The following ZFP82 variants were observed in gnomAD, a reference collection of about 807,000 sequenced individuals.
The protein encoded by ZFP82 is zinc finger protein 82 homolog.
ZFP82 carries 30 observed loss-of-function variants against 54.0 expected under a neutral mutation model. The observed-to-expected ratio is 0.56, with a 90% CI of 0.42 to 0.75. The LOEUF is 0.75. ZFP82 is among the 30% of genes least tolerant of loss of function. The pLI, the probability that ZFP82 is intolerant of heterozygous loss-of-function variation, is 0.00. For synonymous variants in ZFP82, 194 were observed against 209.5 expected (o/e 0.93, Z 0.64); for missense variants, 500 against 636.8 (o/e 0.79, Z 2.31).
At chr19:36,394,255 C>A in intron 4 of ZFP82, 145 bp from the exon 5 acceptor site, 2 of 744,758 alleles carry the variant, frequency 2.7e-6, no homozygotes, top group South Asian at 2.0e-5. Context: ...AAAAAAAAAG[C>A]CAAAGGGAAC....
At chr19:36,412,458 T>G (rs937061470) in intron 1 of ZFP82, among the ~76,000 whole-genome samples, 3 of 152,258 alleles carry the variant, frequency 2.0e-5, no homozygotes, top group African/African-American at 7.2e-5. Flanking sequence ...ATGTTTTTAC[T>G]GGTTTTGTTG....
At chr19:36,412,172 A>G (rs530110491) in intron 1 of ZFP82, among the ~76,000 whole-genome samples, 3 of 152,258 alleles carry the variant, frequency 2.0e-5, no homozygotes, top group African/African-American at 7.2e-5. Context: ...AAGATATATA[A>G]TCTCTTAGAA....
chr19:36,393,877 T>C lies in ZFP82; in HGVS notation c.463A>G (p.Thr155Ala), dbSNP rs2032250801. The change falls in exon 5 of 5, where the codon ACA becomes GCA. Residue 155 changes from threonine to alanine, a missense_variant. Physicochemically the swap from Thr to Ala is moderately conservative, Grantham distance 58 (BLOSUM62 0). Transcript: ENST00000392161. The stretch of plus-strand genomic sequence containing the variant: ...AGTCTCTGATGTGGAGTAACAGATG[T>C]GCGTTTCTGGTAAGAGGACACCTTT... ...SEKVSSYQKR[T>A]SVTPHQRLHF... The C allele has an allele frequency of 2.5e-6, 4 of 1,614,214 alleles. No homozygotes were observed. The highest frequency in any genetic ancestry group is 3.4e-6 in the Non-Finnish European group (4 of 1,180,042).
At chr19:36,413,059 T>G (rs1191396035) in intron 1 of ZFP82, among the ~76,000 whole-genome samples, 1 of 152,174 alleles carries the variant, frequency 6.6e-6, no homozygotes, top group Non-Finnish European at 1.5e-5. Flanking sequence ...TTTTAGGAAT[T>G]TATCGTTAGG....
chr19:36,397,045 C>T (rs2032306834), intron 4 of ZFP82, among the ~76,000 whole-genome samples: 1 of 149,590 alleles, frequency 6.7e-6, no homozygotes, highest in African/African-American at 2.5e-5. Flanking sequence ...GATATAAAAG[C>T]AGAATTAGTT....
At chr19:36,411,606 G>T (rs1349651449) in intron 1 of ZFP82, among the ~76,000 whole-genome samples, 2 of 152,130 alleles carry the variant, frequency 1.3e-5, no homozygotes, top group African/African-American at 4.8e-5. Context: ...TGTTGACCTT[G>T]TTCATAATGG....
chr19:36,400,165 A>G (rs1568486130), intron 4 of ZFP82, among the ~76,000 whole-genome samples: 1 of 152,244 alleles, frequency 6.6e-6, no homozygotes, highest in Non-Finnish European at 1.5e-5. Flanking sequence ...AGAATGTAGA[A>G]AAGTCCTTTT....
Position 36,392,506 on chromosome 19 carries a change from CAA to C in ZFP82, c.*233_*234del. 2.2e-6 allele frequency: 1 copy of C among 445,436 alleles called. No individual in the cohort carries two copies. The highest frequency in any genetic ancestry group is 3.9e-6 in the Non-Finnish European group (1 of 254,810). The allele number at this position is 445,436 out of a possible 1,614,324, so 27.6% of individuals were successfully genotyped here. ...GTTAAGCGTCTTGTCCAGTATGACACAAAGTGATGGGATAGGGATGACGGTAA... is the reference window on the plus strand; with the variant it reads ...GTTAAGCGTCTTGTCCAGTATGACACAGTGATGGGATAGGGATGACGGTAA... On this transcript the variant is annotated 3_prime_UTR_variant, in exon 5 of 5. Transcript: ENST00000392161.
chr19:36,397,178 T>C (rs1016808025), intron 4 of ZFP82, among the ~76,000 whole-genome samples: 1 of 151,050 alleles, frequency 6.6e-6, no homozygotes, highest in Non-Finnish European at 1.5e-5. Flanking sequence ...CTGCAACCTC[T>C]GCCTCCCGGG....
chr19:36,400,597 C>T (rs2032366911), intron 4 of ZFP82, among the ~76,000 whole-genome samples: 1 of 152,178 alleles, frequency 6.6e-6, no homozygotes, highest in Non-Finnish European at 1.5e-5. Flanking sequence ...AGCAACCTAC[C>T]TGCACACATA....
Position 36,407,990 on chromosome 19 carries a change from T to C in ZFP82, c.33A>G (p.Val11=), listed in dbSNP as rs765005740. The C allele has an allele frequency of 9.9e-6, 16 of 1,613,992 alleles. No individual in the cohort carries two copies. The highest frequency in any genetic ancestry group is 5.3e-5 in the African/African-American group (4 of 74,932). ...ACTCTTCTGGAGAGAAGTCTATGGA[T>C]ACATCACTGAACATCACTGATCGCT... MALRSVMFSD[V]SIDFSPEEWE... The change falls in exon 3 of 5, where the codon GTA becomes GTG. Residue 11 remains valine (V), a synonymous_variant. Coordinates refer to ENST00000392161, the MANE Select transcript of ZFP82 (RefSeq NM_133466.4).
At chr19:36,410,351 G>A (rs549294907) in intron 1 of ZFP82, among the ~76,000 whole-genome samples, 5 of 152,136 alleles carry the variant, frequency 3.3e-5, no homozygotes, top group Non-Finnish European at 7.4e-5. Flanking sequence ...GGCTGAACAG[G>A]CATGGATTCA....
chr19:36,402,110 T>G (rs2032394531), intron 4 of ZFP82, among the ~76,000 whole-genome samples: 1 of 152,250 alleles, frequency 6.6e-6, no homozygotes. Context: ...ACTTGGAACC[T>G]CTGCAATACA....
rs182578937 is a variant in ZFP82 at position 36,400,465 on chromosome 19, T to A, written c.229+5115A>T. On this transcript the variant is annotated intron_variant, in intron 4 of 4. Transcript: ENST00000392161. ...CTTCGGAGAATCAATTTTAATCATA[T>A]CCTGAATAAGCCCATACTGAATGCT... Among the ~76,000 whole-genome samples, 155 of 152,292 alleles carry A rather than the reference T, an allele frequency of 1.0e-3. 1 individual carries two copies. The highest frequency in any genetic ancestry group is 3.5e-3 in the African/African-American group (145 of 41,550).
At chr19:36,413,834 A>T (rs2032619868) in intron 1 of ZFP82, among the ~76,000 whole-genome samples, 1 of 152,192 alleles carries the variant, frequency 6.6e-6, no homozygotes, top group Non-Finnish European at 1.5e-5. Context: ...GCTTACTGTA[A>T]GCACTAAATT....
intron 4 of ZFP82, among the ~76,000 whole-genome samples, chr19:36,403,476 C>T (rs993086969): frequency 2.0e-5 from 3 of 151,750 alleles, no homozygotes; most frequent in Non-Finnish European, 4.4e-5. Flanking sequence ...AAAAATTAGC[C>T]AGGCATAGTG....
In ZFP82 at chr19:36,398,264, C is replaced by T. The variant is rs143646881; in HGVS notation, c.230-4154G>A. ...TATTACAAGAATGTTTTAGGCTGGGCGCAGTGGCTCACACCTGTAATCCCA... is the reference window on the plus strand; with the variant it reads ...TATTACAAGAATGTTTTAGGCTGGGTGCAGTGGCTCACACCTGTAATCCCA... On this transcript the variant is annotated intron_variant, in intron 4 of 4. Transcript: ENST00000392161. Among the ~76,000 whole-genome samples the T allele has an allele frequency of 6.2e-3, 939 of 152,230 alleles. 3 individuals are homozygous for T. Among genetic ancestry groups the T allele is most frequent in the Middle Eastern group, 0.01 (3 of 294 alleles).
At position 36,393,495 on chromosome 19, in the gene ZFP82, T is replaced by TAGGTGTAAACAA; in HGVS notation, c.844_845insTTGTTTACACCT (p.Pro281_Tyr282insPheValTyrThr). ...GGCTTTTCCACACTCTTTACACACA[T>TAGGTGTAAACAA]AGGGTTTCTCACCAGTATGAATCCT... On this transcript the variant is annotated inframe_insertion, in exon 5 of 5. Transcript: ENST00000392161. 6.2e-7 allele frequency: 1 copy of TAGGTGTAAACAA among 1,614,158 alleles called. No homozygotes were observed. The highest frequency in any genetic ancestry group is 8.5e-7 in the Non-Finnish European group (1 of 1,180,020).
chr19:36,411,066 G>A (rs1362118491), intron 1 of ZFP82, among the ~76,000 whole-genome samples: 1 of 151,796 alleles, frequency 6.6e-6, no homozygotes, highest in African/African-American at 2.4e-5. Context: ...GGTGGCAGAC[G>A]CCTATAATCC....
Sources: gnomAD v4.1 joint callset for allele counts (sites outside exome capture counted in the v4.1 genomes callset) on GRCh38, gnomAD v4.1.1 for gene constraint, MANE v1.5 for transcripts, NCBI Gene and HGNC (gene_info 2026-07-23, HGNC 2026-07-21) for gene names.